Variants in MTR observed in about 807,000 individuals in gnomAD.
MTR encodes 5-methyltetrahydrofolate-homocysteine methyltransferase, also known as methionine synthase.
A neutral mutation model predicts 154.8 loss-of-function variants in MTR; 84 were observed. The ratio of observed to expected loss-of-function variants is 0.54; its 90% CI spans 0.45 to 0.65. MTR has a LOEUF of 0.65. MTR is among the 30% of genes least tolerant of loss of function. The pLI, the probability that MTR is intolerant of heterozygous loss-of-function variation, is 0.00. For missense variants in MTR, 1,275 were observed against 1,570.2 expected, an observed-to-expected ratio of 0.81 and a Z score of 3.18; for synonymous variants, 554 against 553.9, an observed-to-expected ratio of 1.00 and a Z score of 0.00.
In MTR at chr1:236,808,674, A is replaced by G. The variant is rs201485330; in HGVS notation, c.340-30A>G. ...ATTTATTGTGCGGAGGAAAAGAAGG[A>G]CAAGCTAACGTTTGTGGTTGATACG... On this transcript the variant is annotated intron_variant, in intron 3 of 32. Coordinates refer to ENST00000366577, the MANE Select transcript of MTR (RefSeq NM_000254.3). 195 of 1,609,982 alleles carry G rather than the reference A, an allele frequency of 1.2e-4. 1 individual carries two copies. The African/African-American group carries it at 2.5e-3, about 21-fold the overall frequency.
At chr1:236,819,331 T>A (rs12089156) in intron 8 of MTR, among the ~76,000 whole-genome samples, 70,635 of 152,048 alleles carry the variant, frequency 0.46, 16,753 homozygotes, top group African/African-American at 0.55. Flanking sequence ...TCCAGAATGG[T>A]ATATAGTTGA....
At chr1:236,807,915 C>T (rs1459551051) in intron 3 of MTR, among the ~76,000 whole-genome samples, 3 of 152,144 alleles carry the variant, frequency 2.0e-5, no homozygotes, top group Non-Finnish European at 2.9e-5. Context: ...CTTACTTTAT[C>T]CCAGTAAAAC....
chr1:236,890,631 G>C (rs1010542066), intron 28 of MTR, among the ~76,000 whole-genome samples: 6 of 152,208 alleles, frequency 3.9e-5, no homozygotes, highest in African/African-American at 1.4e-4. Context: ...TCATGGTACT[G>C]TTGAAGGCCC....
At chr1:236,871,569 G>A (rs1363806141) in intron 22 of MTR, among the ~76,000 whole-genome samples, 1 of 152,012 alleles carries the variant, frequency 6.6e-6, no homozygotes, top group Non-Finnish European at 1.5e-5. Context: ...TTTAAAAGCA[G>A]TATGCTATTT....
chr1:236,825,431 G>A, intron 10 of MTR, 32 bp downstream of exon 10: 1 of 1,554,456 alleles, frequency 6.4e-7, no homozygotes, highest in Non-Finnish European at 8.9e-7. Flanking sequence ...GGCTTTTTAA[G>A]AGAGACAGAA....
At chr1:236,807,868 T>C (rs1162345393) in intron 3 of MTR, among the ~76,000 whole-genome samples, 1 of 152,210 alleles carries the variant, frequency 6.6e-6, no homozygotes, top group Non-Finnish European at 1.5e-5. Context: ...CATCATGTAG[T>C]GTGGAAGCAG....
At chr1:236,842,915 G>T (rs1340414102) in intron 15 of MTR, among the ~76,000 whole-genome samples, 2 of 151,580 alleles carry the variant, frequency 1.3e-5, no homozygotes, top group East Asian at 3.9e-4. Flanking sequence ...GTGAAACCCC[G>T]TCTCTACTAA....
At chr1:236,798,324 C>G (rs1349015356) in intron 1 of MTR, among the ~76,000 whole-genome samples, 1 of 152,152 alleles carries the variant, frequency 6.6e-6, no homozygotes, top group African/African-American at 2.4e-5. Context: ...TTTGTTTAGG[C>G]CTTCATCTTG....
intron 13 of MTR, among the ~76,000 whole-genome samples, chr1:236,834,628 T>TAA (rs1208007607): frequency 6.6e-6 from 1 of 151,168 alleles, no homozygotes; most frequent in Non-Finnish European, 1.5e-5. Context: ...TTCCTTGGGC[T>TAA]AAAAAAAAAT....
intron 1 of MTR, among the ~76,000 whole-genome samples, chr1:236,797,581 A>G (rs988272024): frequency 1.3e-5 from 2 of 152,218 alleles, no homozygotes; most frequent in Non-Finnish European, 2.9e-5. Context: ...GTGAATTGGT[A>G]TCAGCCTAAT....
intron 18 of MTR, among the ~76,000 whole-genome samples, chr1:236,854,527 T>G (rs1029082018): frequency 1.3e-5 from 2 of 152,248 alleles, no homozygotes; most frequent in Non-Finnish European, 2.9e-5. Context: ...AGTCATGGTC[T>G]ATCTTCTACC....
Position 236,806,199 on chromosome 1 carries a change from G to T in MTR, c.305G>T (p.Ser102Ile). ...GAAACAAATACTTTTAGCAGCACTA[G>T]TATTGCCCAAGCTGACTATGGCCTT... ...IIETNTFSST[S>I]IAQADYGLEH... Residue 102 changes from serine to isoleucine, a missense_variant, in exon 3 of 33, where the codon AGT becomes ATT. By Grantham distance (142) the Ser-to-Ile change is moderately radical. Transcript: ENST00000366577. The T allele has an allele frequency of 1.2e-6, 2 of 1,614,140 alleles. No homozygotes were observed. Among genetic ancestry groups the T allele is most frequent in the Non-Finnish European group, 1.7e-6 (2 of 1,180,012 alleles).
rs531282145 is a variant in MTR, at chr1:236,842,052, C to T, written c.1515+3453C>T. On this transcript the variant is annotated intron_variant, in intron 15 of 32. Coordinates refer to ENST00000366577, the MANE Select transcript of MTR (RefSeq NM_000254.3). ...GACTACAGGCACCCGCCACCTTACTCGGCTAATTTTTTGTATTTTTAGTAG... is the reference window on the plus strand; with the variant it reads ...GACTACAGGCACCCGCCACCTTACTTGGCTAATTTTTTGTATTTTTAGTAG... Among the ~76,000 whole-genome samples, 30 of 152,264 alleles carry T rather than the reference C, an allele frequency of 2.0e-4. No individual in the cohort carries two copies. The East Asian group carries it at 2.7e-3, about 14-fold the overall frequency.
chr1:236,862,837 C>A (rs1664623039), intron 21 of MTR, among the ~76,000 whole-genome samples: 1 of 152,304 alleles, frequency 6.6e-6, no homozygotes. Flanking sequence ...AGCTTTTTGA[C>A]CTTGTTTAGC....
At chr1:236,809,959 C>G (rs1661204785) in intron 4 of MTR, among the ~76,000 whole-genome samples, 1 of 152,190 alleles carries the variant, frequency 6.6e-6, no homozygotes, top group Non-Finnish European at 1.5e-5. Flanking sequence ...GTATTTCCTT[C>G]TAGTGAAGGG....
chr1:236,841,412 C>T (rs1173601409), intron 15 of MTR, among the ~76,000 whole-genome samples: 1 of 152,186 alleles, frequency 6.6e-6, no homozygotes, highest in Non-Finnish European at 1.5e-5. Flanking sequence ...CTATGTATTT[C>T]GCCTTCAGAT....
chr1:236,895,314 GC>G (rs1314363196), intron 30 of MTR, 43 bp from the exon 31 acceptor site: 1 of 1,556,574 alleles, frequency 6.4e-7, no homozygotes, highest in Non-Finnish European at 8.7e-7. Flanking sequence ...GATGCTGTGA[GC>G]CCCTGCGTCT....
intron 27 of MTR, among the ~76,000 whole-genome samples, chr1:236,888,614 A>G (rs1488906443): frequency 1.3e-5 from 2 of 152,240 alleles, no homozygotes; most frequent in African/African-American, 4.8e-5. Flanking sequence ...TGTGCTGCAC[A>G]CATGCTTGGC....
chr1:236,812,858 G>C lies in MTR; in HGVS notation c.609+14G>C, dbSNP rs750187471. 9.3e-6 allele frequency: 15 copies of C among 1,605,830 alleles called. No individual in the cohort carries two copies. The highest frequency in any genetic ancestry group is 1.3e-5 in the Non-Finnish European group (15 of 1,172,516). ...GCCAATGCCAAGGTGAGTTAAGGGA[G>C]AAAAAACAGACAAGGCTGGGGTAAG... On this transcript the variant is annotated intron_variant, in intron 6 of 32. Transcript: ENST00000366577.
Sources: gnomAD v4.1 joint callset for allele counts (sites outside exome capture counted in the v4.1 genomes callset) on GRCh38, gnomAD v4.1.1 for gene constraint, MANE v1.5 for transcripts, NCBI Gene and HGNC (gene_info 2026-07-23, HGNC 2026-07-21) for gene names.